Variants in CRPPA observed in about 807,000 individuals in gnomAD.
The protein encoded by CRPPA is CDP-L-ribitol pyrophosphorylase A.
Under a neutral mutation model 52.0 loss-of-function variants are expected in CRPPA, and 43 were observed. The observed-to-expected ratio is 0.83, with a 90% CI of 0.65 to 1.07. CRPPA has a LOEUF of 1.07. Among genes scored for constraint, CRPPA ranks in the 50% least tolerant of loss-of-function variants. The pLI, the probability that CRPPA is intolerant of heterozygous loss-of-function variation, is 0.00. For synonymous variants in CRPPA, 250 were observed against 203.5 expected (o/e 1.23, Z -1.94); for missense variants, 629 against 551.7 (o/e 1.14, Z -1.40).
chr7:16,274,440 T>C lies in CRPPA; in HGVS notation c.933+3689A>G, dbSNP rs1583485362. Among the ~76,000 whole-genome samples the C allele has an allele frequency of 2.6e-5, 4 of 152,154 alleles. No homozygotes were observed. In the South Asian group the frequency reaches 8.3e-4, roughly 31 times the overall value. Reference sequence around the variant, plus strand: ...AATTCTTTTTAACCAAATTTAGAAGTCAGGGAAGGCTTAGCAGGAACGATA... The same window carrying C: ...AATTCTTTTTAACCAAATTTAGAAGCCAGGGAAGGCTTAGCAGGAACGATA... On this transcript the variant is annotated intron_variant, in intron 6 of 9. Transcript: ENST00000407010.
chr7:16,181,628 T>G (rs1209742177), intron 9 of CRPPA, among the ~76,000 whole-genome samples: 1 of 151,964 alleles, frequency 6.6e-6, no homozygotes, highest in African/African-American at 2.4e-5. Flanking sequence ...TCAGAGCACA[T>G]TTTTTCCAAA....
At chr7:16,173,066 T>C (rs1303573561) in intron 9 of CRPPA, among the ~76,000 whole-genome samples, 2 of 152,234 alleles carry the variant, frequency 1.3e-5, no homozygotes, top group African/African-American at 2.4e-5. Context: ...GGTTAATTAA[T>C]TTAATGACCT....
intron 6 of CRPPA, among the ~76,000 whole-genome samples, chr7:16,274,439 G>T (rs1216580084): frequency 6.6e-6 from 1 of 152,162 alleles, no homozygotes; most frequent in African/African-American, 2.4e-5. Context: ...AAATTTAGAA[G>T]TCAGGGAAGG....
intron 9 of CRPPA, among the ~76,000 whole-genome samples, chr7:16,137,415 T>C (rs1046417969): frequency 1.3e-5 from 2 of 152,228 alleles, no homozygotes; most frequent in Admixed American, 6.5e-5. Flanking sequence ...AGGAAAGAAG[T>C]AGAATAAATG....
At chr7:16,399,983 G>C (rs767018668) in intron 2 of CRPPA, among the ~76,000 whole-genome samples, 1 of 152,178 alleles carries the variant, frequency 6.6e-6, no homozygotes, top group South Asian at 2.1e-4. Flanking sequence ...CGATTGACAC[G>C]TGACTGACGC....
intron 8 of CRPPA, among the ~76,000 whole-genome samples, chr7:16,226,883 T>C (rs1782665772): frequency 6.6e-6 from 1 of 151,972 alleles, no homozygotes; most frequent in Non-Finnish European, 1.5e-5. Flanking sequence ...ATCAATCTTT[T>C]ATTCCTCATT....
At chr7:16,265,828 A>G (rs1221330417) in intron 6 of CRPPA, among the ~76,000 whole-genome samples, 1 of 152,210 alleles carries the variant, frequency 6.6e-6, no homozygotes, top group Non-Finnish European at 1.5e-5. Context: ...GGCAGGTATT[A>G]TCATCATCCT....
intron 1 of CRPPA, among the ~76,000 whole-genome samples, chr7:16,417,121 T>C (rs1788213463): frequency 6.6e-6 from 1 of 151,920 alleles, no homozygotes; most frequent in Non-Finnish European, 1.5e-5. Flanking sequence ...ATGATGACTA[T>C]TATGAAAAAG....
intron 9 of CRPPA, among the ~76,000 whole-genome samples, chr7:16,129,201 T>C (rs538175672): frequency 6.6e-6 from 1 of 152,278 alleles, no homozygotes; most frequent in African/African-American, 2.4e-5. Flanking sequence ...GAATTTAACA[T>C]GTCCTCATGT....
At chr7:16,221,888 C>T (rs1042516567) in intron 8 of CRPPA, among the ~76,000 whole-genome samples, 75 of 151,490 alleles carry the variant, frequency 5.0e-4, no homozygotes, top group African/African-American at 1.6e-3. Context: ...GTCAGTGTGG[C>T]GATTCCTCAG....
At chr7:16,419,902 G>C (rs1788285912) in intron 1 of CRPPA, among the ~76,000 whole-genome samples, 1 of 152,108 alleles carries the variant, frequency 6.6e-6, no homozygotes, top group African/African-American at 2.4e-5. Context: ...AGACTGATTT[G>C]AGTAATAATA....
intron 9 of CRPPA, among the ~76,000 whole-genome samples, chr7:16,120,227 T>C (rs78422919): frequency 6.6e-6 from 1 of 152,306 alleles, no homozygotes; most frequent in South Asian, 2.1e-4. Flanking sequence ...GTCTGTATCA[T>C]CCGGTTTTAT....
At chr7:16,331,332 T>C (rs1035580008) in intron 3 of CRPPA, among the ~76,000 whole-genome samples, 6 of 152,142 alleles carry the variant, frequency 3.9e-5, no homozygotes, top group African/African-American at 7.2e-5. Context: ...GGATCACTAA[T>C]ACACTGTGAT....
chr7:16,100,629 T>C (rs559649871), intron 9 of CRPPA, among the ~76,000 whole-genome samples: 164 of 152,342 alleles, frequency 1.1e-3, no homozygotes, highest in African/African-American at 3.8e-3. Context: ...TCTTCCTATT[T>C]GAATATCCTT....
At chr7:16,346,133 G>A (rs931316072) in intron 3 of CRPPA, among the ~76,000 whole-genome samples, 1 of 152,036 alleles carries the variant, frequency 6.6e-6, no homozygotes, top group Admixed American at 6.6e-5. Context: ...TAATTACTGA[G>A]TGGCTATTAT....
At position 16,252,532 on chromosome 7, in the gene CRPPA, T is replaced by A. The variant is rs187909464; in HGVS notation, c.1119+5858A>T. 2.7e-4 allele frequency among the ~76,000 whole-genome samples: 41 copies of A among 152,328 alleles called. 1 individual carries two copies. The highest frequency in any genetic ancestry group is 1.0e-3 in the Admixed American group (16 of 15,284). ...CAGTATTTTATTGAGGATTTTTGCATCGTTGTTCATCACGGATATTGGTCT... is the reference window on the plus strand; with the variant it reads ...CAGTATTTTATTGAGGATTTTTGCAACGTTGTTCATCACGGATATTGGTCT... On this transcript the variant is annotated intron_variant, in intron 8 of 9. Transcript: ENST00000407010.
intron 2 of CRPPA, among the ~76,000 whole-genome samples, chr7:16,387,048 T>G (rs923791152): frequency 0.065 from 704 of 10,864 alleles, 10 homozygotes; most frequent in Non-Finnish European, 0.086. Context: ...AAAAAAGATA[T>G]ATATATATAT....
intron 9 of CRPPA, among the ~76,000 whole-genome samples, chr7:16,155,214 A>G (rs1387013121): frequency 6.6e-6 from 1 of 152,110 alleles, no homozygotes; most frequent in Non-Finnish European, 1.5e-5. Flanking sequence ...TGGGCCAGCT[A>G]TCAGTGTCAT....
At chr7:16,239,558 G>GAAAAAA (rs1783048039) in intron 8 of CRPPA, among the ~76,000 whole-genome samples, 4 of 16,718 alleles carry the variant, frequency 2.4e-4, no homozygotes, top group East Asian at 1.6e-3. Context: ...GAAGTCAATA[G>GAAAAAA]CAAAAAAAAA....
Sources: gnomAD v4.1 joint callset for allele counts (sites outside exome capture counted in the v4.1 genomes callset) on GRCh38, gnomAD v4.1.1 for gene constraint, MANE v1.5 for transcripts, NCBI Gene and HGNC (gene_info 2026-07-23, HGNC 2026-07-21) for gene names.